Variants in EDIL3 observed in about 807,000 individuals in gnomAD.
The protein encoded by EDIL3 is EGF-like repeat and discoidin I-like domain-containing protein 3.
Under a neutral mutation model 67.4 loss-of-function variants are expected in EDIL3, and 37 were observed. The ratio of observed to expected loss-of-function variants is 0.55; its 90% CI spans 0.42 to 0.72. EDIL3 has a LOEUF of 0.72. Ranked by LOEUF, EDIL3 falls within the 30% of genes least tolerant of loss-of-function variation. The pLI is 0.00. For missense variants in EDIL3, 527 were observed against 586.3 expected (o/e 0.90, Z 1.04); for synonymous variants, 195 against 196.3 (o/e 0.99, Z 0.05).
chr5:84,175,082 C>T (rs73769764), intron 4 of EDIL3, among the ~76,000 whole-genome samples: 5,657 of 152,104 alleles, frequency 0.037, 380 homozygotes, highest in African/African-American at 0.13. Flanking sequence ...CTGTCCAGCC[C>T]GCTGCTACTG....
intron 3 of EDIL3, among the ~76,000 whole-genome samples, chr5:84,215,588 T>C (rs566324193): frequency 1.1e-4 from 16 of 152,178 alleles, no homozygotes; most frequent in Admixed American, 7.9e-4. Flanking sequence ...TTAATAATAT[T>C]AAAAATACGC....
chr5:83,945,645 T>A (rs1053446907), intron 10 of EDIL3, among the ~76,000 whole-genome samples: 1 of 151,890 alleles, frequency 6.6e-6, no homozygotes, highest in Admixed American at 6.6e-5. Flanking sequence ...GAATTATTAA[T>A]TATACTTATT....
At chr5:84,371,454 G>T (rs758257980) in intron 1 of EDIL3, among the ~76,000 whole-genome samples, 13,020 of 68,084 alleles carry the variant, frequency 0.19, 668 homozygotes, top group African/African-American at 0.28. Flanking sequence ...TATATATAGA[G>T]AGAGAGAGAG....
chr5:84,347,941 C>T (rs978509816), intron 1 of EDIL3, among the ~76,000 whole-genome samples: 3 of 152,114 alleles, frequency 2.0e-5, no homozygotes, highest in African/African-American at 7.2e-5. Context: ...TATCTCCTGC[C>T]AGTATGTTGC....
At chr5:84,169,186 T>C (rs939175573) in intron 4 of EDIL3, among the ~76,000 whole-genome samples, 6 of 152,064 alleles carry the variant, frequency 3.9e-5, no homozygotes, top group African/African-American at 1.2e-4. Flanking sequence ...ACAAAACTTG[T>C]TATTATGCAT....
chr5:84,074,622 C>A (rs200770821), intron 6 of EDIL3, among the ~76,000 whole-genome samples: 52,939 of 149,754 alleles, frequency 0.35, 9,666 homozygotes, highest in East Asian at 0.44. Context: ...TGGCCATCAG[C>A]GAAATGCAAA....
chr5:83,957,605 C>T (rs1744536772), intron 10 of EDIL3, among the ~76,000 whole-genome samples: 1 of 151,644 alleles, frequency 6.6e-6, no homozygotes, highest in African/African-American at 2.4e-5. Context: ...GATGATATTG[C>T]TGCTTCTATT....
intron 4 of EDIL3, among the ~76,000 whole-genome samples, chr5:84,160,801 TTTCC>T (rs1482528817): frequency 5.5e-5 from 7 of 127,406 alleles, no homozygotes; most frequent in Admixed American, 2.5e-4. Context: ...TTTCCTTTCC[TTTCC>T]TTTCCTTTCC....
At chr5:84,108,435 G>T (rs1441492606) in intron 5 of EDIL3, among the ~76,000 whole-genome samples, 23 of 151,972 alleles carry the variant, frequency 1.5e-4, no homozygotes, top group Admixed American at 1.4e-3. Flanking sequence ...TTTTTAACAT[G>T]TAATTAGGAC....
intron 10 of EDIL3, among the ~76,000 whole-genome samples, chr5:83,951,890 T>C (rs978791941): frequency 5.9e-5 from 9 of 151,760 alleles, no homozygotes; most frequent in Non-Finnish European, 1.0e-4. Context: ...TGCCCAGTAG[T>C]ATCAACTTGT....
At chr5:84,180,590 G>C (rs780954985) in intron 3 of EDIL3, 69 bp from the exon 4 acceptor site, 293 of 1,436,268 alleles carry the variant, frequency 2.0e-4, no homozygotes, top group Non-Finnish European at 2.6e-4. Flanking sequence ...TCAACATTTT[G>C]CAATTAATAA....
chr5:84,151,735 G>T (rs1414852343), intron 4 of EDIL3, among the ~76,000 whole-genome samples: 18 of 151,990 alleles, frequency 1.2e-4, no homozygotes, highest in Non-Finnish European at 2.9e-5. Flanking sequence ...AAACTATAAC[G>T]GGGGTTAGCT....
At position 84,229,917 on chromosome 5, in the gene EDIL3, G is replaced by A. The variant is rs749793907; in HGVS notation, c.197-33C>T. ...AAGAGGAAAAGGTGAAATGGGGGTG[G>A]GGTAGAAGTGAAGGGAGGGAGAAGG... On this transcript the variant is annotated intron_variant, in intron 2 of 10. Coordinates refer to ENST00000296591, the MANE Select transcript of EDIL3 (RefSeq NM_005711.5). 1.3e-5 allele frequency: 20 copies of A among 1,588,442 alleles called. No homozygotes were observed. The African/African-American group carries it at 2.7e-4, about 22-fold the overall frequency.
chr5:83,991,597 G>C (rs1188712471), intron 9 of EDIL3, among the ~76,000 whole-genome samples: 2 of 152,068 alleles, frequency 1.3e-5, no homozygotes, highest in Non-Finnish European at 2.9e-5. Flanking sequence ...ATTAGTCTTG[G>C]CCATAATTTA....
intron 3 of EDIL3, among the ~76,000 whole-genome samples, chr5:84,218,710 G>T (rs529336577): frequency 2.6e-5 from 4 of 152,318 alleles, no homozygotes; most frequent in Admixed American, 1.3e-4. Flanking sequence ...AGGCCTGGCA[G>T]CACTCACCAC....
intron 1 of EDIL3, among the ~76,000 whole-genome samples, chr5:84,257,608 T>C (rs533249921): frequency 6.6e-6 from 1 of 152,100 alleles, no homozygotes; most frequent in African/African-American, 2.4e-5. Context: ...GCCTGGATGA[T>C]TGAGTAGCCA....
chr5:84,305,930 A>G (rs12153329), intron 1 of EDIL3, among the ~76,000 whole-genome samples: 151 of 124,848 alleles, frequency 1.2e-3, no homozygotes, highest in Middle Eastern at 4.3e-3. Context: ...TAGATAGATA[A>G]ATAAATAAAA....
intron 1 of EDIL3, among the ~76,000 whole-genome samples, chr5:84,353,393 C>A (rs192409798): frequency 9.9e-5 from 15 of 152,278 alleles, no homozygotes; most frequent in African/African-American, 3.6e-4. Flanking sequence ...AAACTCACAA[C>A]ATTGTGACAT....
chr5:84,352,744 A>G (rs993053527), intron 1 of EDIL3, among the ~76,000 whole-genome samples: 1 of 152,198 alleles, frequency 6.6e-6, no homozygotes, highest in Admixed American at 6.5e-5. Flanking sequence ...ACCACTACAC[A>G]GTATATCCAC....
Sources: gnomAD v4.1 joint callset for allele counts (sites outside exome capture counted in the v4.1 genomes callset) on GRCh38, gnomAD v4.1.1 for gene constraint, MANE v1.5 for transcripts, NCBI Gene and HGNC (gene_info 2026-07-23, HGNC 2026-07-21) for gene names.